Variants in POLK observed in about 807,000 individuals in gnomAD.
POLK encodes the protein polymerase (DNA directed) kappa.
POLK carries 76 observed loss-of-function variants against 94.0 expected under a neutral mutation model. The observed-to-expected ratio is 0.81, with a 90% confidence interval of 0.67 to 0.98. POLK has a LOEUF of 0.98. Among genes scored for constraint, POLK ranks in the 50% least tolerant of loss-of-function variants. POLK has a pLI of 0.00. For synonymous variants in POLK, 349 were observed against 325.4 expected, an observed-to-expected ratio of 1.07 and a Z score of -0.78; for missense variants, 954 against 1,010.1, an observed-to-expected ratio of 0.94 and a Z score of 0.75.
intron 1 of POLK, among the ~76,000 whole-genome samples, chr5:75,527,751 A>G (rs1210576129): frequency 6.6e-6 from 1 of 152,172 alleles, no homozygotes; most frequent in Non-Finnish European, 1.5e-5. Context: ...AGGCAGGCTG[A>G]TAGGTAAGAA....
At chr5:75,529,211 A>G (rs1444460642) in intron 1 of POLK, among the ~76,000 whole-genome samples, 1 of 152,166 alleles carries the variant, frequency 6.6e-6, no homozygotes, top group Non-Finnish European at 1.5e-5. Context: ...GCTTCCAATC[A>G]TGGTAGAAGG....
At position 75,537,185 on chromosome 5, in the gene POLK, T is replaced by A. The variant is rs990806719; in HGVS notation, c.-13-9825T>A. Among the ~76,000 whole-genome samples, 25 of 152,270 alleles carry A rather than the reference T, an allele frequency of 1.6e-4. 1 individual carries two copies. In the East Asian group the frequency reaches 2.5e-3, roughly 15 times the overall value. ...GGCTATAACACTGGTGCTGATCTGCTCCGGGGCGCAAAGCTTGTAGAGGTG... is the reference window on the plus strand; with the variant it reads ...GGCTATAACACTGGTGCTGATCTGCACCGGGGCGCAAAGCTTGTAGAGGTG... On this transcript the variant is annotated intron_variant, in intron 1 of 14. Coordinates refer to ENST00000241436, the Ensembl canonical transcript of POLK.
At chr5:75,595,335 G>A (rs1232267275) in intron 12 of POLK, among the ~76,000 whole-genome samples, 4 of 145,984 alleles carry the variant, frequency 2.7e-5, no homozygotes, top group Non-Finnish European at 3.0e-5. Context: ...AAGCAAGCAC[G>A]ATGTCCTTCG....
intron 1 of POLK, among the ~76,000 whole-genome samples, chr5:75,538,833 C>T (rs995971153): frequency 5.3e-5 from 8 of 151,970 alleles, no homozygotes; most frequent in African/African-American, 1.5e-4. Flanking sequence ...TGTAGCGGCG[C>T]GACATCAGCT....
chr5:75,581,187 T>G, intron 6 of POLK, 22 bp from the exon 7 acceptor site: 1 of 1,538,990 alleles, frequency 6.5e-7, no homozygotes, highest in Non-Finnish European at 9.0e-7. Context: ...AAAGGTGAGT[T>G]ATTTTCCTGT....
chr5:75,559,508 TTTTTG>T (rs1202250676), intron 3 of POLK, among the ~76,000 whole-genome samples: 32 of 146,978 alleles, frequency 2.2e-4, no homozygotes, highest in South Asian at 4.4e-4. Context: ...GGGGTTTGTT[TTTTTG>T]TTTTGTTTTG....
intron 9 of POLK, among the ~76,000 whole-genome samples, chr5:75,586,390 C>A (rs1252231081): frequency 6.6e-6 from 1 of 152,080 alleles, no homozygotes; most frequent in Admixed American, 6.6e-5. Context: ...TTACTATATC[C>A]TCAAGTTCTA....
intron 1 of POLK, among the ~76,000 whole-genome samples, chr5:75,542,012 T>C (rs1769767274): frequency 6.6e-6 from 1 of 152,232 alleles, no homozygotes; most frequent in Non-Finnish European, 1.5e-5. Context: ...GTTTGAAAAT[T>C]ACTACTTTAA....
chr5:75,547,637 T>A (rs1254637280), intron 2 of POLK, among the ~76,000 whole-genome samples: 1 of 152,252 alleles, frequency 6.6e-6, no homozygotes, highest in Non-Finnish European at 1.5e-5. Flanking sequence ...TAACGTATTT[T>A]ATAACTTTCT....
chr5:75,523,219 A>G (rs895405242), intron 1 of POLK, among the ~76,000 whole-genome samples: 1 of 152,224 alleles, frequency 6.6e-6, no homozygotes, highest in Admixed American at 6.5e-5. Flanking sequence ...AATATTATAT[A>G]TGATGTATTT....
At chr5:75,599,086 TAA>T (rs200924478) in exon 15 of POLK, 9 of 125,158 alleles carry the variant, frequency 7.2e-5, no homozygotes, top group Non-Finnish European at 6.9e-5. Flanking sequence ...ACTAAAACGA[TAA>T]AAAAAAAAAA....
At chr5:75,590,543 A>C (rs1772731288) in intron 11 of POLK, 103 bp downstream of exon 11, 2 of 716,846 alleles carry the variant, frequency 2.8e-6, no homozygotes, top group African/African-American at 1.8e-5. Flanking sequence ...AGATGAATAC[A>C]AATTAATAAA....
intron 5 of POLK, among the ~76,000 whole-genome samples, chr5:75,574,863 A>G (rs928875729): frequency 1.3e-5 from 2 of 152,356 alleles, no homozygotes; most frequent in East Asian, 3.9e-4. Flanking sequence ...TTAAAAAGAG[A>G]TAAAATACTA....
chr5:75,532,144 G>C (rs1769212454), intron 1 of POLK, among the ~76,000 whole-genome samples: 1 of 152,058 alleles, frequency 6.6e-6, no homozygotes, highest in South Asian at 2.1e-4. Context: ...TTATTATATA[G>C]GTAAATTGCA....
chr5:75,597,397 A>G (rs1773148081), intron 13 of POLK: 3 of 494,736 alleles, frequency 6.1e-6, no homozygotes, highest in Non-Finnish European at 7.1e-6. Flanking sequence ...GATTTAGCAC[A>G]GAATGAACTC....
chr5:75,589,482 G>T (rs1479641711), intron 10 of POLK, among the ~76,000 whole-genome samples: 3 of 142,612 alleles, frequency 2.1e-5, no homozygotes, highest in South Asian at 2.3e-4. Context: ...AGGGAGTCTC[G>T]CTCTGTCGCC....
intron 12 of POLK, among the ~76,000 whole-genome samples, chr5:75,595,272 A>AAAAAAAAAAAAAAC (rs1773015667): frequency 6.7e-6 from 1 of 149,084 alleles, no homozygotes; most frequent in East Asian, 1.9e-4. Context: ...AAAAAAAAAA[A>AAAAAAAAAAAAAAC]AGCCCAAGAG....
At chr5:75,533,383 T>G (rs943569036) in intron 1 of POLK, among the ~76,000 whole-genome samples, 2 of 152,222 alleles carry the variant, frequency 1.3e-5, no homozygotes, top group African/African-American at 4.8e-5. Flanking sequence ...TTGTCAAATA[T>G]CAAATGATTG....
At chr5:75,556,103 C>T (rs903380337) in intron 3 of POLK, among the ~76,000 whole-genome samples, 5 of 152,156 alleles carry the variant, frequency 3.3e-5, no homozygotes, top group Admixed American at 6.5e-5. Context: ...TCTTCCAAAG[C>T]GACCATACCA....
Sources: allele counts gnomAD v4.1 joint callset (sites outside exome capture counted in the v4.1 genomes callset), GRCh38; gene constraint gnomAD v4.1.1; transcripts MANE v1.5; gene names NCBI Gene and HGNC (gene_info 2026-07-23, HGNC 2026-07-21).